Variants in MBTPS2 observed in about 807,000 individuals in gnomAD.
The protein encoded by MBTPS2 is membrane-bound transcription factor site-2 protease.
In MBTPS2, 2 loss-of-function variants were observed where a neutral mutation model predicts 35.4. The ratio of observed to expected loss-of-function variants is 0.06; its 90% CI spans 0.02 to 0.18. The LOEUF is 0.18. Ranked by LOEUF, MBTPS2 falls within the 10% of genes least tolerant of loss-of-function variation. The pLI, the probability that MBTPS2 is intolerant of heterozygous loss-of-function variation, is 1.00. For synonymous variants in MBTPS2, 125 were observed against 140.4 expected, an observed-to-expected ratio of 0.89 and a Z score of 0.77; for missense variants, 244 against 386.5, an observed-to-expected ratio of 0.63 and a Z score of 3.09.
At chrX:21,874,272 G>A (rs1335643369) in intron 7 of MBTPS2, among the ~76,000 whole-genome samples, 4 of 106,772 alleles carry the variant, frequency 3.7e-5, no homozygotes, top group Admixed American at 1.0e-4. Flanking sequence ...TGATCCCCCC[G>A]CCTCGGCCTC....
chrX:21,872,340 G>A (rs2092948197), intron 7 of MBTPS2: 2 of 111,719 alleles, frequency 1.8e-5, no homozygotes, highest in Admixed American at 9.5e-5. Context: ...CAGACAGACT[G>A]TAAATAAAAA....
rs376668502 is a variant in MBTPS2 at position 21,881,453 on chromosome X, G to A, written c.1337+481G>A. Among the ~76,000 whole-genome samples, 4 of 111,735 alleles carry A rather than the reference G, an allele frequency of 3.6e-5. No individual in the cohort carries two copies. The Admixed American group carries it at 3.8e-4, about 11-fold the overall frequency. On this transcript the variant is annotated intron_variant, in intron 10 of 10. Coordinates refer to ENST00000379484, the MANE Select transcript of MBTPS2 (RefSeq NM_015884.4). ...GGGCCAAATCTTATTGTGGTCTTTC[G>A]CATATTATGATTGCACATAAAAGAT...
intron 5 of MBTPS2, 79 bp from the exon 6 acceptor site, chrX:21,868,388 C>G: frequency 1.6e-6 from 1 of 629,460 alleles, no homozygotes; most frequent in Non-Finnish European, 2.7e-6. Flanking sequence ...TATCAGAATG[C>G]CCAAGTGTTG....
intron 4 of MBTPS2, among the ~76,000 whole-genome samples, chrX:21,852,260 C>T (rs772951957): frequency 1.8e-5 from 2 of 111,710 alleles, no homozygotes; most frequent in Non-Finnish European, 3.8e-5. Flanking sequence ...CCCCTGCTAC[C>T]TCCACTGATA....
chrX:21,844,471 G>A (rs899947106), intron 2 of MBTPS2, among the ~76,000 whole-genome samples: 2 of 111,953 alleles, frequency 1.8e-5, no homozygotes, highest in Non-Finnish European at 3.8e-5. Flanking sequence ...CTGTGACCGT[G>A]CCACTGCACT....
chrX:21,876,170 A>G (rs996855777), intron 7 of MBTPS2, among the ~76,000 whole-genome samples: 1 of 112,208 alleles, frequency 8.9e-6, no homozygotes, highest in East Asian at 2.8e-4. Context: ...ACAGATGATT[A>G]TAGGCTAGCA....
intron 7 of MBTPS2, among the ~76,000 whole-genome samples, chrX:21,875,949 G>A (rs945851918): frequency 1.8e-5 from 2 of 111,752 alleles, no homozygotes; most frequent in African/African-American, 3.3e-5. Context: ...TTCAGTTTAG[G>A]AAGAGAATCA....
chrX:21,858,937 G>A (rs1236215814), intron 5 of MBTPS2, among the ~76,000 whole-genome samples: 3 of 104,148 alleles, frequency 2.9e-5, no homozygotes, highest in African/African-American at 1.1e-4. Flanking sequence ...CTGGGCGCAG[G>A]GCTCCTGCTT....
intron 5 of MBTPS2, chrX:21,857,721 G>A: frequency 1.2e-6 from 1 of 836,785 alleles, no homozygotes; most frequent in Admixed American, 3.4e-5. Context: ...AATGAATCCT[G>A]CACATTTAAG....
intron 7 of MBTPS2, among the ~76,000 whole-genome samples, chrX:21,873,997 G>A (rs867730345): frequency 0.046 from 3,292 of 72,284 alleles, 83 homozygotes; most frequent in African/African-American, 0.074. Context: ...GTGTGTGTGT[G>A]TGTGTATATA....
Position 21,854,892 on chromosome X carries a change from T to G in MBTPS2, c.670+1389T>G, listed in dbSNP as rs185535324. 9.5e-4 allele frequency among the ~76,000 whole-genome samples: 107 copies of G among 112,202 alleles called. 1 individual carries two copies. The highest frequency in any genetic ancestry group is 3.1e-3 in the African/African-American group (96 of 30,951). Reference sequence around the variant, plus strand: ...CTACCTGAAATTTAGAAATTTATCTTAATCACACCTTGGATCAATTTAATT... The same window carrying G: ...CTACCTGAAATTTAGAAATTTATCTGAATCACACCTTGGATCAATTTAATT... On this transcript the variant is annotated intron_variant, in intron 5 of 10. Transcript: ENST00000379484.
In MBTPS2 at chrX:21,843,338, G is replaced by C. The variant is rs757587941; in HGVS notation, c.224+20G>C. On this transcript the variant is annotated intron_variant, in intron 2 of 10. Transcript: ENST00000379484. ...CCAATGGTATTCTTCATCTTCTTTT[G>C]TTTGGTTTAGGTTAATCATTAAGTG... 2 of 1,199,877 alleles carry C rather than the reference G, an allele frequency of 1.7e-6. No homozygotes were observed. Among genetic ancestry groups the C allele is most frequent in the East Asian group, 3.0e-5 (1 of 33,808 alleles).
chrX:21,882,521 T>C lies in MBTPS2; in HGVS notation c.1426T>C (p.Leu476=). 1 of 1,211,243 alleles carries C rather than the reference T, an allele frequency of 8.3e-7. No individual in the cohort carries two copies. The highest frequency in any genetic ancestry group is 1.1e-6 in the Non-Finnish European group (1 of 894,950). ...LDGQWILNSF[L]DATLTSVIGD... Reference sequence around the variant, plus strand: ...TGGACAATGGATTCTAAACTCTTTCTTGGATGCCACCCTTACCTCAGTGAT... The same window carrying C: ...TGGACAATGGATTCTAAACTCTTTCCTGGATGCCACCCTTACCTCAGTGAT... Residue 476 remains leucine, a synonymous_variant, in exon 11 of 11, where the codon TTG becomes CTG. Transcript: ENST00000379484.
Position 21,869,540 on chromosome X carries a change from C to G in MBTPS2, c.832C>G (p.Leu278Val), listed in dbSNP as rs750166955. ...ACCCAGAGGCCTTTTTGTGGGAGAC[C>G]TTGTCACCCATCTACAGGATTGTCC... is the stretch of plus-strand genomic sequence containing the variant. ...IGPRGLFVGD[L>V]VTHLQDCPVT... Residue 278 changes from leucine (L) to valine (V), a missense_variant, in exon 7 of 11, where the codon CTT (leucine) becomes GTT (valine). Physicochemically the swap from Leu to Val is conservative, Grantham distance 32. Coordinates refer to ENST00000379484, the MANE Select transcript of MBTPS2 (RefSeq NM_015884.4). The G allele has an allele frequency of 1.7e-6, 2 of 1,208,153 alleles. No individual in the cohort carries two copies. Among genetic ancestry groups the G allele is most frequent in the African/African-American group, 1.8e-5 (1 of 57,124 alleles).
chrX:21,867,120 A>T (rs752938022), intron 5 of MBTPS2, among the ~76,000 whole-genome samples: 1 of 112,290 alleles, frequency 8.9e-6, no homozygotes, highest in East Asian at 2.8e-4. Context: ...AGGGGAGAAT[A>T]ACCAAAATAA....
rs200750332 is a variant in MBTPS2 at position 21,848,811 on chromosome X, C to CT, written c.439-2696dup. Among the ~76,000 whole-genome samples, 646 of 112,210 alleles carry CT rather than the reference C, an allele frequency of 5.8e-3. 3 individuals carry two copies. Among genetic ancestry groups the CT allele is most frequent in the African/African-American group, 0.02 (628 of 30,958 alleles). ...ATGATTCAAGCAGCATTGTTTGAAT[C>CT]TTCAGTTACTAAAGGAAGCTTTTTA... On this transcript the variant is annotated intron_variant, in intron 3 of 10. Coordinates refer to ENST00000379484, the MANE Select transcript of MBTPS2 (RefSeq NM_015884.4).
At chrX:21,849,395 T>C (rs2092912177) in intron 3 of MBTPS2, among the ~76,000 whole-genome samples, 1 of 111,547 alleles carries the variant, frequency 9.0e-6, no homozygotes, top group Admixed American at 9.5e-5. Context: ...CAAAAAATGG[T>C]CAAAAGTACG....
intron 2 of MBTPS2, among the ~76,000 whole-genome samples, chrX:21,844,834 T>A (rs1488167899): frequency 8.9e-6 from 1 of 112,283 alleles, no homozygotes; most frequent in Admixed American, 9.4e-5. Flanking sequence ...TGAAAAAGGA[T>A]GGATGTCTAT....
chrX:21,863,055 A>C (rs1368448899), intron 5 of MBTPS2, among the ~76,000 whole-genome samples: 1 of 91,469 alleles, frequency 1.1e-5, no homozygotes, highest in African/African-American at 3.8e-5. Context: ...CAGGAGTTCA[A>C]GACCAGCCTG....
Sources: allele counts gnomAD v4.1 joint callset (sites outside exome capture counted in the v4.1 genomes callset), GRCh38; gene constraint gnomAD v4.1.1; transcripts MANE v1.5; gene names NCBI Gene and HGNC (gene_info 2026-07-23, HGNC 2026-07-21).